The following RSU1 variants were observed in gnomAD, a reference collection of about 807,000 sequenced individuals.
The protein encoded by RSU1 is Ras suppressor protein 1.
Under a neutral mutation model 31.1 loss-of-function variants are expected in RSU1, and 26 were observed. The observed-to-expected ratio is 0.84, with a 90% CI of 0.61 to 1.16. RSU1 has a LOEUF of 1.16. Among genes scored for constraint, RSU1 ranks in the 50% most tolerant of loss-of-function variants. RSU1 has a pLI of 0.00. For synonymous variants in RSU1, 164 were observed against 136.3 expected (o/e 1.20, Z -1.41); for missense variants, 320 against 339.1 (o/e 0.94, Z 0.44).
intron 8 of RSU1, among the ~76,000 whole-genome samples, chr10:16,614,843 T>C (rs139843665): frequency 6.6e-6 from 1 of 151,974 alleles, no homozygotes; most frequent in Non-Finnish European, 1.5e-5. Context: ...TTTACTCATA[T>C]CTAAAATGGG....
chr10:16,750,495 A>T (rs190138029), intron 7 of RSU1, among the ~76,000 whole-genome samples: 6 of 152,356 alleles, frequency 3.9e-5, no homozygotes, highest in Admixed American at 2.0e-4. Flanking sequence ...TAAGATAAGC[A>T]AAATGAGTAA....
chr10:16,621,970 G>C (rs1338475184), intron 8 of RSU1, among the ~76,000 whole-genome samples: 1 of 152,090 alleles, frequency 6.6e-6, no homozygotes, highest in East Asian at 1.9e-4. Context: ...ACTTATTAAA[G>C]GAAAAACATT....
At chr10:16,699,211 T>C (rs1342829532) in intron 7 of RSU1, among the ~76,000 whole-genome samples, 2 of 152,198 alleles carry the variant, frequency 1.3e-5, no homozygotes, top group Admixed American at 1.3e-4. Flanking sequence ...CTTGCTGTAA[T>C]AGGGCATGCT....
intron 8 of RSU1, among the ~76,000 whole-genome samples, chr10:16,692,549 A>C (rs1835581162): frequency 6.6e-6 from 1 of 152,214 alleles, no homozygotes; most frequent in South Asian, 2.1e-4. Flanking sequence ...AAGATACCAT[A>C]CAAACCAAGC....
At chr10:16,767,312 C>T (rs1182004890) in intron 3 of RSU1, 2 of 152,280 alleles carry the variant, frequency 1.3e-5, no homozygotes, top group East Asian at 1.9e-4. Context: ...GCCGTCTTCC[C>T]GAAGTTACTC....
At chr10:16,610,655 C>T (rs1833877826) in intron 8 of RSU1, among the ~76,000 whole-genome samples, 1 of 152,146 alleles carries the variant, frequency 6.6e-6, no homozygotes, top group Non-Finnish European at 1.5e-5. Context: ...TCAGGGCTCC[C>T]ACTGATTGTG....
chr10:16,598,966 A>C (rs1168218275), intron 8 of RSU1, among the ~76,000 whole-genome samples: 2 of 152,214 alleles, frequency 1.3e-5, no homozygotes, highest in Non-Finnish European at 2.9e-5. Flanking sequence ...GCAGAGAGGC[A>C]AGGTGTGTCC....
intron 7 of RSU1, among the ~76,000 whole-genome samples, chr10:16,746,589 C>T (rs1320824626): frequency 1.3e-5 from 2 of 151,294 alleles, no homozygotes; most frequent in South Asian, 2.1e-4. Flanking sequence ...GCGGTCTCAT[C>T]GGCAGGTGAG....
In RSU1 at chr10:16,754,925, A is replaced by G. The variant is rs749786618; in HGVS notation, c.346T>C (p.Leu116=). ...GSLPALEVLD[L]TYNNLSENSL... ...TTTTCGCTCAAGTTGTTGTACGTCAAGTCCAGAACCTCAAGAGCTGGCAGG... is the reference window on the plus strand; with the variant it reads ...TTTTCGCTCAAGTTGTTGTACGTCAGGTCCAGAACCTCAAGAGCTGGCAGG... Residue 116 remains leucine, a synonymous_variant, in exon 5 of 9, where the codon TTG becomes CTG. Transcript: ENST00000345264. The G allele has an allele frequency of 3.7e-6, 6 of 1,613,610 alleles. No homozygotes were observed. Among genetic ancestry groups the G allele is most frequent in the South Asian group, 1.1e-5 (1 of 91,030 alleles).
chr10:16,752,137 A>G (rs1836992075), intron 7 of RSU1, among the ~76,000 whole-genome samples: 1 of 152,218 alleles, frequency 6.6e-6, no homozygotes, highest in African/African-American at 2.4e-5. Flanking sequence ...CCAGGTCAAT[A>G]AAAATTTAAG....
chr10:16,703,848 G>T (rs934299489), intron 7 of RSU1, among the ~76,000 whole-genome samples: 1 of 152,176 alleles, frequency 6.6e-6, no homozygotes, highest in Non-Finnish European at 1.5e-5. Flanking sequence ...GGTTATTTTT[G>T]GATGACAGAT....
At chr10:16,618,254 T>C (rs1834012317) in intron 8 of RSU1, among the ~76,000 whole-genome samples, 1 of 152,160 alleles carries the variant, frequency 6.6e-6, no homozygotes, top group Non-Finnish European at 1.5e-5. Context: ...CATTAGAGAA[T>C]GCAAATCAAA....
rs558120847 is a variant in RSU1, at chr10:16,658,498, C to G, written c.731+36525G>C. Among the ~76,000 whole-genome samples the G allele has an allele frequency of 3.9e-5, 6 of 152,212 alleles. No individual in the cohort carries two copies. The South Asian group carries it at 1.2e-3, about 32-fold the overall frequency. The stretch of plus-strand genomic sequence containing the variant: ...CAGCACTTTGGGAGGCTGATGCAGG[C>G]AGATCACCGGAGATCAGGAGTTCGA... On this transcript the variant is annotated intron_variant, in intron 8 of 8. Coordinates refer to ENST00000345264, the MANE Select transcript of RSU1 (RefSeq NM_012425.4).
At chr10:16,759,177 C>A (rs1204127585) in intron 4 of RSU1, among the ~76,000 whole-genome samples, 1 of 152,076 alleles carries the variant, frequency 6.6e-6, no homozygotes, top group Non-Finnish European at 1.5e-5. Flanking sequence ...TCCACAGTGA[C>A]CTACTCACAC....
chr10:16,681,194 C>A (rs1381578715), intron 8 of RSU1, among the ~76,000 whole-genome samples: 2 of 152,164 alleles, frequency 1.3e-5, no homozygotes, highest in Non-Finnish European at 2.9e-5. Context: ...ACAAAAAGCA[C>A]CATCTTAAAT....
At chr10:16,626,852 T>G (rs990832569) in intron 8 of RSU1, among the ~76,000 whole-genome samples, 2 of 152,208 alleles carry the variant, frequency 1.3e-5, no homozygotes, top group Non-Finnish European at 2.9e-5. Flanking sequence ...CTTTCATGAA[T>G]AAGCCAGGCC....
chr10:16,651,201 C>A (rs1025983075), intron 8 of RSU1, among the ~76,000 whole-genome samples: 2 of 152,142 alleles, frequency 1.3e-5, no homozygotes, highest in African/African-American at 4.8e-5. Flanking sequence ...AAGCTCATGT[C>A]AAACAAGGCA....
chr10:16,593,383 C>T lies in RSU1; in HGVS notation c.*11G>A, dbSNP rs772851094. 1 of 1,613,996 alleles carries T rather than the reference C, an allele frequency of 6.2e-7. No homozygotes were observed. ...AAGGTGCTGGAAGGCCAGCCGATGC[C>T]AATCCCTTCCTTATCTGTTCTTGGC... On this transcript the variant is annotated 3_prime_UTR_variant, in exon 9 of 9. Transcript: ENST00000345264.
At chr10:16,598,408 G>GGT (rs1414932068) in intron 8 of RSU1, among the ~76,000 whole-genome samples, 1 of 152,040 alleles carries the variant, frequency 6.6e-6, no homozygotes, top group African/African-American at 2.4e-5. Flanking sequence ...AAATTAGCCA[G>GGT]GTGTGGTGGA....
Sources: allele counts gnomAD v4.1 joint callset (sites outside exome capture counted in the v4.1 genomes callset), GRCh38; gene constraint gnomAD v4.1.1; transcripts MANE v1.5; gene names NCBI Gene and HGNC (gene_info 2026-07-23, HGNC 2026-07-21).